Variants in RNF216 observed in about 807,000 individuals in gnomAD.
The protein encoded by RNF216 is ring finger protein 216.
RNF216 carries 72 observed loss-of-function variants against 110.8 expected under a neutral mutation model. The ratio of observed to expected loss-of-function variants is 0.65; its 90% CI spans 0.54 to 0.79. The LOEUF (loss-of-function observed/expected upper bound fraction) is 0.79, where lower values mean the gene tolerates loss of function less well. Ranked by LOEUF, RNF216 falls within the 30% of genes least tolerant of loss-of-function variation. The pLI, the probability that RNF216 is intolerant of heterozygous loss-of-function variation, is 0.00. For missense variants in RNF216, 1,342 were observed against 1,141.2 expected, an observed-to-expected ratio of 1.18 and a Z score of -2.54; for synonymous variants, 495 against 407.5, an observed-to-expected ratio of 1.21 and a Z score of -2.59.
At position 5,781,538 on chromosome 7, in the gene RNF216, C is replaced by T. The variant is rs1296964636; in HGVS notation, c.-70+3G>A. The T allele has an allele frequency of 6.6e-6, 1 of 152,292 alleles. No individual in the cohort carries two copies. The highest frequency in any genetic ancestry group is 1.5e-5 in the Non-Finnish European group (1 of 68,130). 9.4% of individuals were successfully genotyped at this position (152,292 alleles called of 1,614,324 possible). A position where few individuals can be genotyped will look rare whatever the true frequency, so the allele number is the denominator to read the frequency against. ...TCGAGCGCGCCCCGCAGCCGACACT[C>T]ACTCGTCACTCAAGTCGCCGGCTAG... On this transcript the variant is annotated splice_donor_region_variant and intron_variant, in intron 1 of 16. Coordinates refer to ENST00000389902, the MANE Select transcript of RNF216 (RefSeq NM_207111.4).
Position 5,622,772 on chromosome 7 carries a change from G to T in RNF216, c.*88C>A. On this transcript the variant is annotated 3_prime_UTR_variant, in exon 17 of 17. Coordinates refer to ENST00000389902, the MANE Select transcript of RNF216 (RefSeq NM_207111.4). ...CCTTCAAGCTGACTTAGGATGCAAT[G>T]GTACAGACACCAGCCTTGGGGGAGG... The T allele has an allele frequency of 1.5e-6, 2 of 1,318,726 alleles. No individual in the cohort carries two copies. The highest frequency in any genetic ancestry group is 1.4e-5 in the South Asian group (1 of 73,152). 81.7% of individuals were successfully genotyped at this position (1,318,726 alleles called of 1,614,324 possible).
chr7:5,660,954 T>G (rs1387331967), intron 13 of RNF216, among the ~76,000 whole-genome samples: 22 of 146,022 alleles, frequency 1.5e-4, no homozygotes, highest in African/African-American at 5.2e-4. Flanking sequence ...TTTTTTTTTT[T>G]TTTTTTTTTT....
Position 5,624,828 on chromosome 7 carries a change from G to A in RNF216, c.2383-703C>T, listed in dbSNP as rs190238364. Among the ~76,000 whole-genome samples, 40 of 152,364 alleles carry A rather than the reference G, an allele frequency of 2.6e-4. 1 individual carries two copies. Among genetic ancestry groups the A allele is most frequent in the Admixed American group, 9.8e-4 (15 of 15,312 alleles). ...GTGGGAGCTGTGCTGGGAAACTCAG[G>A]GGCCACACTGGGCAAGCCCCAGAGG... On this transcript the variant is annotated intron_variant, in intron 15 of 16. Transcript: ENST00000389902. The surrounding 1 kb of genome is among the most constrained non-coding windows in gnomAD (Gnocchi z 4.4).
In RNF216 at chr7:5,623,007, G is replaced by A. The variant is rs1230691887; in HGVS notation, c.2625C>T (p.Asn875=). The A allele has an allele frequency of 1.9e-6, 3 of 1,614,034 alleles. No individual in the cohort carries two copies. Among genetic ancestry groups the A allele is most frequent in the Non-Finnish European group, 2.5e-6 (3 of 1,180,032 alleles). Residue 875 remains asparagine (N), a synonymous_variant, in exon 17 of 17, where the codon AAC becomes AAT. Coordinates refer to ENST00000389902, the MANE Select transcript of RNF216 (RefSeq NM_207111.4). The part of the protein sequence containing the change: ...PLPPVRPVFN[N]FPLNMGPIPA... ...GGATAGGCCCCATGTTGAGTGGGAA[G>A]TTGTTGAACACAGGCCGCACGGGAG...
intron 13 of RNF216, among the ~76,000 whole-genome samples, chr7:5,682,971 C>G (rs1427812098): frequency 6.6e-6 from 1 of 151,982 alleles, no homozygotes; most frequent in Non-Finnish European, 1.5e-5. Context: ...ATAGGTAAAC[C>G]AACATAAATC....
In RNF216 at chr7:5,675,714, C is replaced by CTTTTTTTT. The variant is rs754444984; in HGVS notation, c.2062-23212_2062-23205dup. On this transcript the variant is annotated intron_variant, in intron 13 of 16. Transcript: ENST00000389902. Reference sequence around the variant, plus strand: ...CTATAGCGCTAACTCTATTCAAATTCTTTTTTTTTTTTGAGGTGGAGTTTC... The same window carrying CTTTTTTTT: ...CTATAGCGCTAACTCTATTCAAATTCTTTTTTTTTTTTTTTTTTTTGAGGTGGAGTTTC... Among the ~76,000 whole-genome samples the CTTTTTTTT allele has an allele frequency of 7.9e-4, 112 of 141,256 alleles. 3 individuals are homozygous for CTTTTTTTT. The highest frequency in any genetic ancestry group is 2.9e-3 in the African/African-American group (107 of 37,098). The allele number at this position is 141,256 out of a possible 152,430, so 92.7% of individuals were successfully genotyped here.
At chr7:5,735,201 A>G (rs1794325016) in intron 5 of RNF216, among the ~76,000 whole-genome samples, 1 of 152,184 alleles carries the variant, frequency 6.6e-6, no homozygotes, top group Non-Finnish European at 1.5e-5. Context: ...TCAAGACAGG[A>G]GTCTAAAGTC....
chr7:5,776,800 C>T (rs1290268469), intron 1 of RNF216, among the ~76,000 whole-genome samples: 1 of 147,380 alleles, frequency 6.8e-6, no homozygotes, highest in Non-Finnish European at 1.5e-5. Context: ...ACTCTGGAGG[C>T]TGAGGCACAA....
chr7:5,739,447 T>C, intron 4 of RNF216, 95 bp from the exon 5 acceptor site: 2 of 1,240,508 alleles, frequency 1.6e-6, no homozygotes, highest in East Asian at 4.9e-5. Flanking sequence ...ATAAAATGAC[T>C]AAAGACTAGA....
intron 3 of RNF216, among the ~76,000 whole-genome samples, chr7:5,749,563 G>A (rs1391599694): frequency 2.0e-5 from 3 of 152,078 alleles, no homozygotes; most frequent in Non-Finnish European, 2.9e-5. Context: ...AAATTTCCTT[G>A]TCAACTGTGT....
intron 11 of RNF216, among the ~76,000 whole-genome samples, chr7:5,714,337 C>T (rs1037686479): frequency 6.6e-6 from 1 of 152,188 alleles, no homozygotes; most frequent in African/African-American, 2.4e-5. Flanking sequence ...CAACTCACCA[C>T]AACCTCTGCC....
intron 13 of RNF216, among the ~76,000 whole-genome samples, chr7:5,672,016 T>C (rs1789951846): frequency 6.6e-6 from 1 of 152,174 alleles, no homozygotes; most frequent in Admixed American, 6.5e-5. Context: ...AGTCTGGTAT[T>C]TTGCTAAGGC....
In RNF216 at chr7:5,652,522, G is replaced by A. The variant is rs749452977; in HGVS notation, c.2062-12C>T. On this transcript the variant is annotated splice_polypyrimidine_tract_variant and intron_variant, in intron 13 of 16. Coordinates refer to ENST00000389902, the MANE Select transcript of RNF216 (RefSeq NM_207111.4). ...TTCCTACAGGTTTCCTGGGGATAAA[G>A]GACAGACACAAAGACAACTCCTGGT... The A allele has an allele frequency of 1.9e-6, 3 of 1,587,966 alleles. No individual in the cohort carries two copies. The highest frequency in any genetic ancestry group is 2.2e-5 in the South Asian group (2 of 90,594).
intron 2 of RNF216, among the ~76,000 whole-genome samples, chr7:5,755,666 T>G (rs1025791129): frequency 6.6e-6 from 1 of 152,244 alleles, no homozygotes; most frequent in Non-Finnish European, 1.5e-5. Flanking sequence ...TAATCCACTA[T>G]ATGAATATAA....
chr7:5,757,910 T>C lies in RNF216; in HGVS notation c.67+3093A>G, dbSNP rs187403490. 1.0e-3 allele frequency among the ~76,000 whole-genome samples: 156 copies of C among 152,316 alleles called. 1 individual carries two copies. The highest frequency in any genetic ancestry group is 5.2e-3 in the Admixed American group (79 of 15,296). On this transcript the variant is annotated intron_variant, in intron 2 of 16. Coordinates refer to ENST00000389902, the MANE Select transcript of RNF216 (RefSeq NM_207111.4). ...TGGCTCACACCTGTAATCCTAGCACTTCGTGAGGCAGAGGCAATTGGATCA... is the reference window on the plus strand; with the variant it reads ...TGGCTCACACCTGTAATCCTAGCACCTCGTGAGGCAGAGGCAATTGGATCA...
At chr7:5,629,073 C>T (rs530480953) in intron 15 of RNF216, among the ~76,000 whole-genome samples, 11 of 151,812 alleles carry the variant, frequency 7.2e-5, no homozygotes, top group African/African-American at 2.7e-4. Context: ...GTGGCGTGTG[C>T]CTGTAATCCC....
intron 5 of RNF216, among the ~76,000 whole-genome samples, chr7:5,734,795 G>C (rs1794294881): frequency 6.9e-6 from 1 of 145,922 alleles, no homozygotes; most frequent in Admixed American, 7.1e-5. Flanking sequence ...CTGCACTCCA[G>C]CTTGGGCGAC....
chr7:5,755,826 G>A (rs1795607293), intron 2 of RNF216, among the ~76,000 whole-genome samples: 1 of 152,132 alleles, frequency 6.6e-6, no homozygotes. Flanking sequence ...GCTGAGTCAT[G>A]GGGTAAGCAT....
chr7:5,652,539 A>C (rs370474613), intron 13 of RNF216, 29 bp from the exon 14 acceptor site: 23 of 1,475,568 alleles, frequency 1.6e-5, no homozygotes, highest in Non-Finnish European at 2.2e-5. Flanking sequence ...CACAAAGACA[A>C]CTCCTGGTGA....
Sources: gnomAD v4.1 joint callset for allele counts (sites outside exome capture counted in the v4.1 genomes callset) on GRCh38, gnomAD v4.1.1 for gene constraint, Gnocchi (gnomAD v3.1) non-coding constraint, MANE v1.5 for transcripts, NCBI Gene and HGNC (gene_info 2026-07-23, HGNC 2026-07-21) for gene names.